Variants in PLCL2 observed in about 807,000 individuals in gnomAD.
PLCL2 encodes the protein inactive phospholipase C-like protein 2.
PLCL2 carries 4 observed loss-of-function variants against 79.6 expected under a neutral mutation model. That is an observed-to-expected ratio of 0.05 (90% CI 0.02 to 0.11). The LOEUF is 0.11. Ranked by LOEUF, PLCL2 falls within the 10% of genes least tolerant of loss-of-function variation. The pLI, the probability that PLCL2 is intolerant of heterozygous loss-of-function variation, is 1.00. For missense variants in PLCL2, 895 were observed against 1,291.0 expected, an observed-to-expected ratio of 0.69 and a Z score of 4.70; for synonymous variants, 484 against 457.7, an observed-to-expected ratio of 1.06 and a Z score of -0.73.
chr3:16,958,247 G>A (rs979371194), intron 1 of PLCL2, among the ~76,000 whole-genome samples: 1 of 152,108 alleles, frequency 6.6e-6, no homozygotes, highest in African/African-American at 2.4e-5. Context: ...AAAACTTTAA[G>A]TGAAAGCCAA....
In PLCL2 at chr3:17,010,714, C is replaced by G; in HGVS notation, c.1368C>G (p.Ile456Met). ...ATCAGTTCCGAGGTCCCTCCGACAT[C>G]ACAGGATATATTCGAGCTCTTAAAA... is the stretch of plus-strand genomic sequence containing the variant. ...IEDQFRGPSD[I>M]TGYIRALKMG... is the part of the protein sequence containing the mutation. The change falls in exon 2 of 6, where the codon ATC (isoleucine) becomes ATG (methionine). Residue 456 changes from isoleucine (I) to methionine (M), a missense_variant. Transcript: ENST00000615277. This position sits in a 1 kb window ranked among gnomAD's most constrained non-coding sequence, Gnocchi z 5.8. 6.2e-7 allele frequency: 1 copy of G among 1,614,136 alleles called. No individual in the cohort carries two copies. The highest frequency in any genetic ancestry group is 1.1e-5 in the South Asian group (1 of 91,074).
intron 1 of PLCL2, among the ~76,000 whole-genome samples, chr3:16,908,864 T>A (rs542552046): frequency 2.0e-5 from 3 of 152,362 alleles, no homozygotes; most frequent in African/African-American, 7.2e-5. Flanking sequence ...ATTGGAAATA[T>A]ATAATGTATC....
intron 4 of PLCL2, among the ~76,000 whole-genome samples, chr3:17,066,221 G>A (rs759159326): frequency 1.1e-4 from 17 of 152,116 alleles, no homozygotes; most frequent in African/African-American, 1.9e-4. Context: ...GAAAAGGGGA[G>A]TGGTCCATGC....
chr3:17,084,680 C>CGTG (rs1305354941), intron 5 of PLCL2, among the ~76,000 whole-genome samples: 4 of 152,150 alleles, frequency 2.6e-5, no homozygotes, highest in African/African-American at 9.7e-5. Flanking sequence ...AGACAAAGCT[C>CGTG]GTGGTTGTAT....
chr3:17,021,721 C>T (rs1413291406), intron 3 of PLCL2, among the ~76,000 whole-genome samples: 1 of 152,100 alleles, frequency 6.6e-6, no homozygotes, highest in Non-Finnish European at 1.5e-5. Flanking sequence ...CATAGCATCA[C>T]AGAGCAGCTT....
intron 5 of PLCL2, among the ~76,000 whole-genome samples, chr3:17,080,851 T>G (rs1389893328): frequency 1.3e-5 from 2 of 152,354 alleles, no homozygotes; most frequent in East Asian, 3.9e-4. Flanking sequence ...GTCTACACAG[T>G]TGTTGATGTG....
chr3:16,921,364 T>G (rs978499314), intron 1 of PLCL2, among the ~76,000 whole-genome samples: 1 of 152,222 alleles, frequency 6.6e-6, no homozygotes, highest in Non-Finnish European at 1.5e-5. Flanking sequence ...GGCGGTCTGA[T>G]GTATTGGAAA....
intron 5 of PLCL2, among the ~76,000 whole-genome samples, chr3:17,084,126 A>C (rs553645060): frequency 1.8e-4 from 27 of 152,308 alleles, no homozygotes; most frequent in Middle Eastern, 3.4e-3. Context: ...TTTTATGGAC[A>C]CTAAAAGGAT....
At chr3:16,960,252 A>G (rs949867504) in intron 1 of PLCL2, among the ~76,000 whole-genome samples, 3 of 151,750 alleles carry the variant, frequency 2.0e-5, no homozygotes, top group Non-Finnish European at 4.4e-5. Context: ...AAATCAGCCC[A>G]CTCCATTGTC....
At chr3:17,089,639 G>A in intron 5 of PLCL2, 94 bp from the exon 6 acceptor site, 3 of 762,664 alleles carry the variant, frequency 3.9e-6, no homozygotes, top group Non-Finnish European at 6.5e-6. Context: ...TGTGGAATCA[G>A]AATACTTCTA....
intron 1 of PLCL2, among the ~76,000 whole-genome samples, chr3:16,980,908 C>G (rs1011424782): frequency 6.6e-6 from 1 of 152,270 alleles, no homozygotes; most frequent in Non-Finnish European, 1.5e-5. Context: ...CCGAGGCTGG[C>G]GGATCACTCA....
intron 4 of PLCL2, among the ~76,000 whole-genome samples, chr3:17,059,584 A>G (rs976669439): frequency 2.0e-5 from 3 of 151,956 alleles, no homozygotes; most frequent in African/African-American, 7.3e-5. Flanking sequence ...GCATATATAG[A>G]TATATAGATA....
At chr3:16,898,480 G>A (rs1460280320) in intron 1 of PLCL2, among the ~76,000 whole-genome samples, 1 of 152,226 alleles carries the variant, frequency 6.6e-6, no homozygotes, top group Admixed American at 6.5e-5. Flanking sequence ...AGGAATAGCT[G>A]CCGGGTATGA....
chr3:16,937,673 C>G (rs569690688), intron 1 of PLCL2, among the ~76,000 whole-genome samples: 1 of 152,314 alleles, frequency 6.6e-6, no homozygotes, highest in African/African-American at 2.4e-5. Flanking sequence ...GTTTCAAAAA[C>G]CTTACTTGAC....
At chr3:17,005,637 T>G (rs775649584) in intron 1 of PLCL2, among the ~76,000 whole-genome samples, 2 of 152,242 alleles carry the variant, frequency 1.3e-5, no homozygotes, top group Non-Finnish European at 2.9e-5. Context: ...CTAGTCTCTT[T>G]CTAGTTCATT....
intron 3 of PLCL2, among the ~76,000 whole-genome samples, chr3:17,037,316 G>C (rs2064668449): frequency 6.6e-6 from 1 of 152,120 alleles, no homozygotes; most frequent in African/African-American, 2.4e-5. Flanking sequence ...GGCAGTTTGG[G>C]GGGCATTCAG....
chr3:16,911,065 C>T (rs1230243327), intron 1 of PLCL2, among the ~76,000 whole-genome samples: 1 of 151,972 alleles, frequency 6.6e-6, no homozygotes, highest in East Asian at 1.9e-4. Flanking sequence ...CCAACCTGGC[C>T]AACATGGTGA....
intron 5 of PLCL2, among the ~76,000 whole-genome samples, chr3:17,068,862 TACTC>T (rs1350962444): frequency 1.1e-4 from 17 of 152,194 alleles, no homozygotes; most frequent in Non-Finnish European, 2.5e-4. Context: ...TTCTCAGTGT[TACTC>T]ACAGAGCATA....
chr3:17,008,746 C>T (rs1283606922), intron 1 of PLCL2, among the ~76,000 whole-genome samples: 1 of 152,130 alleles, frequency 6.6e-6, no homozygotes, highest in Non-Finnish European at 1.5e-5. Context: ...TCCTCTGTCA[C>T]CTTGAAATTC....
Sources: gnomAD v4.1 joint callset for allele counts (sites outside exome capture counted in the v4.1 genomes callset) on GRCh38, gnomAD v4.1.1 for gene constraint, Gnocchi (gnomAD v3.1) non-coding constraint, MANE v1.5 for transcripts, NCBI Gene and HGNC (gene_info 2026-07-23, HGNC 2026-07-21) for gene names.